The following TNFRSF1B variants were observed in gnomAD, a reference collection of about 807,000 sequenced individuals.
The protein encoded by TNFRSF1B is tumor necrosis factor receptor superfamily member 1B.
TNFRSF1B carries 19 observed loss-of-function variants against 44.6 expected under a neutral mutation model. The observed-to-expected ratio is 0.43, with a 90% CI of 0.30 to 0.62. TNFRSF1B has a LOEUF of 0.62. Among genes scored for constraint, TNFRSF1B ranks in the 20% least tolerant of loss-of-function variants. The pLI, the probability that TNFRSF1B is intolerant of heterozygous loss-of-function variation, is 0.16. For missense variants in TNFRSF1B, 541 were observed against 619.9 expected (o/e 0.87, Z 1.35); for synonymous variants, 252 against 261.1 (o/e 0.97, Z 0.34).
intron 8 of TNFRSF1B, among the ~76,000 whole-genome samples, chr1:12,197,221 G>A (rs533759794): frequency 1.4e-4 from 21 of 152,264 alleles, no homozygotes; most frequent in Non-Finnish European, 2.8e-4. Flanking sequence ...GTACTGGGAT[G>A]AGAGGCATAA....
Position 12,208,103 on chromosome 1 carries a change from C to T in TNFRSF1B, c.*1083C>T, listed in dbSNP as rs972993834. 2.6e-5 allele frequency: 4 copies of T among 152,846 alleles called. No individual in the cohort carries two copies. The highest frequency in any genetic ancestry group is 5.9e-5 in the Non-Finnish European group (4 of 68,124). The allele number at this position is 152,846 out of a possible 1,614,324, so 9.5% of individuals were successfully genotyped here. A position where few individuals can be genotyped will look rare whatever the true frequency, so the allele number is the denominator to read the frequency against. On this transcript the variant is annotated 3_prime_UTR_variant, in exon 10 of 10. Transcript: ENST00000376259. The stretch of plus-strand genomic sequence containing the variant: ...ACCACTCAGGCCAACAAGCCAACGA[C>T]AAAGCCAAACTCTGCCAGCCACATC...
chr1:12,188,652 C>T, intron 1 of TNFRSF1B, 144 bp from the exon 2 acceptor site: 1 of 714,504 alleles, frequency 1.4e-6, no homozygotes, highest in Non-Finnish European at 2.3e-6. Context: ...GTACCCTGCT[C>T]CAGGGGGAGA....
At chr1:12,205,456 G>A (rs1366052977) in intron 9 of TNFRSF1B, among the ~76,000 whole-genome samples, 1 of 152,078 alleles carries the variant, frequency 6.6e-6, no homozygotes, top group Non-Finnish European at 1.5e-5. Flanking sequence ...GATCTGCCAG[G>A]TTCAAGGGCC....
Position 12,180,872 on chromosome 1 carries a change from G to A in TNFRSF1B, c.79-7924G>A, listed in dbSNP as rs916685439. ...GGGCTGCTCACAGACCCCGGCCCCT[G>A]GGTTTTGTCCACTCACCCAGACTCT... On this transcript the variant is annotated intron_variant, in intron 1 of 9. Transcript: ENST00000376259. The surrounding 1 kb of genome is among the most constrained non-coding windows in gnomAD (Gnocchi z 4.3). Among the ~76,000 whole-genome samples, 1 of 152,190 alleles carries A rather than the reference G, an allele frequency of 6.6e-6. No individual in the cohort carries two copies. The highest frequency in any genetic ancestry group is 1.5e-5 in the Non-Finnish European group (1 of 68,036).
intron 1 of TNFRSF1B, among the ~76,000 whole-genome samples, chr1:12,176,126 T>A (rs1261175991): frequency 6.6e-6 from 1 of 151,282 alleles, no homozygotes; most frequent in Non-Finnish European, 1.5e-5. Context: ...GGCTGAGGTA[T>A]GAGAATCACT....
chr1:12,183,720 C>CTATCTATCTAT (rs1638889745), intron 1 of TNFRSF1B, among the ~76,000 whole-genome samples: 7 of 92,202 alleles, frequency 7.6e-5, no homozygotes, highest in African/African-American at 2.1e-4. Flanking sequence ...ATTCTATCTA[C>CTATCTATCTAT]CTATCTATCT....
rs970035182 is a variant in TNFRSF1B, at chr1:12,177,096, G to C, written c.78+9927G>C. The stretch of plus-strand genomic sequence containing the variant: ...TGGCTCACTGCAACCTCTGCCTTCT[G>C]AGTTCAAGCGATTCTCCCACCTCAG... On this transcript the variant is annotated intron_variant, in intron 1 of 9. Coordinates refer to ENST00000376259, the MANE Select transcript of TNFRSF1B (RefSeq NM_001066.3). This position sits in a 1 kb window ranked among gnomAD's most constrained non-coding sequence, Gnocchi z 4.3. 6.6e-6 allele frequency among the ~76,000 whole-genome samples: 1 copy of C among 152,158 alleles called. No homozygotes were observed. Among genetic ancestry groups the C allele is most frequent in the South Asian group, 2.1e-4 (1 of 4,824 alleles).
intron 1 of TNFRSF1B, among the ~76,000 whole-genome samples, chr1:12,185,165 C>G (rs997121423): frequency 1.3e-5 from 2 of 152,228 alleles, no homozygotes; most frequent in African/African-American, 2.4e-5. Flanking sequence ...GGGTTAGGGG[C>G]TCCCACAGCC....
At position 12,199,660 on chromosome 1, in the gene TNFRSF1B, G is replaced by A. The variant is rs1639345063; in HGVS notation, c.901-2307G>A. Reference sequence around the variant, plus strand: ...CGCATCTGTTCTCAGACCACATCTGGAATTGTAGCTCCCTCTGGAGGGAGG... The same window carrying A: ...CGCATCTGTTCTCAGACCACATCTGAAATTGTAGCTCCCTCTGGAGGGAGG... On this transcript the variant is annotated intron_variant, in intron 8 of 9. Coordinates refer to ENST00000376259, the MANE Select transcript of TNFRSF1B (RefSeq NM_001066.3). This position sits in a 1 kb window ranked among gnomAD's most constrained non-coding sequence, Gnocchi z 4.0. Among the ~76,000 whole-genome samples the A allele has an allele frequency of 6.6e-6, 1 of 152,120 alleles. No individual in the cohort carries two copies. Among genetic ancestry groups the A allele is most frequent in the Non-Finnish European group, 1.5e-5 (1 of 67,994 alleles).
chr1:12,176,560 C>T (rs1442759138), intron 1 of TNFRSF1B, among the ~76,000 whole-genome samples: 1 of 152,168 alleles, frequency 6.6e-6, no homozygotes, highest in Non-Finnish European at 1.5e-5. Context: ...TCAAGGCTGC[C>T]TGCTAAGAGG....
At chr1:12,191,207 C>T in intron 3 of TNFRSF1B, 122 bp downstream of exon 3, 1 of 1,342,374 alleles carries the variant, frequency 7.4e-7, no homozygotes. Flanking sequence ...GGAAGTGGCA[C>T]AGGTGCAGCT....
chr1:12,189,287 T>C lies in TNFRSF1B; in HGVS notation c.178+392T>C, dbSNP rs149532548. 3.1e-4 allele frequency among the ~76,000 whole-genome samples: 47 copies of C among 152,332 alleles called. No homozygotes were observed. In the East Asian group the frequency reaches 8.7e-3, roughly 28 times the overall value. ...AGTGCTGCCTCCTTTGAGCTCTCAC[T>C]GGCCTCTGATGTTCCCATGGAAGCT... On this transcript the variant is annotated intron_variant, in intron 2 of 9. Coordinates refer to ENST00000376259, the MANE Select transcript of TNFRSF1B (RefSeq NM_001066.3).
At chr1:12,167,248 G>T (rs1638412000) in intron 1 of TNFRSF1B, 79 bp downstream of exon 1, 2 of 1,094,416 alleles carry the variant, frequency 1.8e-6, no homozygotes, top group South Asian at 7.2e-5. Flanking sequence ...GGGTGCCCGG[G>T]CCGCGCTCTC....
chr1:12,183,744 T>TCTATCTAGCTAGCTAGCTAGCTAG (rs1343871126), intron 1 of TNFRSF1B, among the ~76,000 whole-genome samples: 1 of 103,762 alleles, frequency 9.6e-6, no homozygotes, highest in Non-Finnish European at 2.3e-5. Flanking sequence ...TATCTATCTA[T>TCTATCTAGCTAGCTAGCTAGCTAG]CTATCTAGCT....
rs1040761908 is a variant in TNFRSF1B, at chr1:12,171,705, A to G, written c.78+4536A>G. On this transcript the variant is annotated intron_variant, in intron 1 of 9. Coordinates refer to ENST00000376259, the MANE Select transcript of TNFRSF1B (RefSeq NM_001066.3). This position sits in a 1 kb window ranked among gnomAD's most constrained non-coding sequence, Gnocchi z 4.5. ...GTTGTGGGGCTGTCCCGTGAGCTGT[A>G]GGATGTTTAGCGACATCCCTGGCCT... is the stretch of plus-strand genomic sequence containing the variant. Among the ~76,000 whole-genome samples, 7 of 152,140 alleles carry G rather than the reference A, an allele frequency of 4.6e-5. No individual in the cohort carries two copies. Among genetic ancestry groups the G allele is most frequent in the Non-Finnish European group, 1.0e-4 (7 of 68,026 alleles).
At chr1:12,194,681 TCA>T in intron 8 of TNFRSF1B, 63 bp downstream of exon 8, 1 of 1,579,924 alleles carries the variant, frequency 6.3e-7, no homozygotes, top group South Asian at 1.1e-5. Flanking sequence ...TGCTGGGCTG[TCA>T]CAGAGGAAGC....
At chr1:12,197,177 A>G (rs1639285084) in intron 8 of TNFRSF1B, among the ~76,000 whole-genome samples, 1 of 151,882 alleles carries the variant, frequency 6.6e-6, no homozygotes, top group South Asian at 2.1e-4. Context: ...CAAACCCCTG[A>G]CCTCAAGTGA....
chr1:12,205,982 A>G (rs1639494594), intron 9 of TNFRSF1B, among the ~76,000 whole-genome samples: 1 of 152,084 alleles, frequency 6.6e-6, no homozygotes, highest in East Asian at 1.9e-4. Flanking sequence ...GGTGTGTGAT[A>G]TGAGAGAAAG....
In TNFRSF1B at chr1:12,188,913, G is replaced by T. The variant is rs1639047638; in HGVS notation, c.178+18G>T. 1 of 1,608,254 alleles carries T rather than the reference G, an allele frequency of 6.2e-7. No individual in the cohort carries two copies. Among genetic ancestry groups the T allele is most frequent in the Admixed American group, 1.7e-5 (1 of 59,858 alleles). On this transcript the variant is annotated intron_variant, in intron 2 of 9. Transcript: ENST00000376259. ...CTCGCCGGGTGAGGGCAGCCACGGG[G>T]GCACTCGGGGCCCATGCCCTGGAGG...
Sources: gnomAD v4.1 joint callset for allele counts (sites outside exome capture counted in the v4.1 genomes callset) on GRCh38, gnomAD v4.1.1 for gene constraint, Gnocchi (gnomAD v3.1) non-coding constraint, MANE v1.5 for transcripts, NCBI Gene and HGNC (gene_info 2026-07-23, HGNC 2026-07-21) for gene names.